The following ST6GAL2 variants were observed in gnomAD, a reference collection of about 807,000 sequenced individuals.
The protein encoded by ST6GAL2 is beta-galactoside alpha-2,6-sialyltransferase 2.
ST6GAL2 carries 24 observed loss-of-function variants against 37.5 expected under a neutral mutation model. The observed-to-expected ratio is 0.64, with a 90% CI of 0.46 to 0.90. ST6GAL2 has a LOEUF of 0.90. Ranked by LOEUF, ST6GAL2 falls within the 40% of genes least tolerant of loss-of-function variation. The pLI, the probability that ST6GAL2 is intolerant of heterozygous loss-of-function variation, is 0.00. For missense variants in ST6GAL2, 715 were observed against 712.7 expected (o/e 1.00, Z -0.04); for synonymous variants, 306 against 295.1 (o/e 1.04, Z -0.38).
At chr2:106,842,411 C>T (rs1223555524) in intron 2 of ST6GAL2, among the ~76,000 whole-genome samples, 1 of 152,184 alleles carries the variant, frequency 6.6e-6, no homozygotes, top group Non-Finnish European at 1.5e-5. Context: ...ACTGGCAGTG[C>T]CCCAAAGGTT....
intron 5 of ST6GAL2, among the ~76,000 whole-genome samples, chr2:106,827,832 G>A (rs958004087): frequency 6.6e-6 from 1 of 152,146 alleles, no homozygotes; most frequent in African/African-American, 2.4e-5. Flanking sequence ...TACAGTGTTA[G>A]AAAATAATAA....
At chr2:106,848,706 G>C (rs190762897) in intron 1 of ST6GAL2, among the ~76,000 whole-genome samples, 1 of 152,166 alleles carries the variant, frequency 6.6e-6, no homozygotes, top group South Asian at 2.1e-4. Context: ...TTCATGGCAG[G>C]ATTCAAATTA....
chr2:106,884,783 T>C (rs1049355546), intron 1 of ST6GAL2, among the ~76,000 whole-genome samples: 4 of 151,410 alleles, frequency 2.6e-5, no homozygotes, highest in African/African-American at 9.7e-5. Context: ...CCTCAAGTGG[T>C]ATATAAAAAT....
chr2:106,863,952 G>A (rs1330373338), intron 1 of ST6GAL2, among the ~76,000 whole-genome samples: 2 of 152,184 alleles, frequency 1.3e-5, no homozygotes, highest in Non-Finnish European at 2.9e-5. Flanking sequence ...GCAACTACCT[G>A]GGTTCTATCC....
At chr2:106,886,806 C>T (rs984661101), upstream of ST6GAL2, among the ~76,000 whole-genome samples, 5 of 151,918 alleles carry the variant, frequency 3.3e-5, no homozygotes, top group Non-Finnish European at 5.9e-5. Context: ...CTCGGCCCGC[C>T]GGCGAGCGCA....
Position 106,830,246 on chromosome 2 carries a change from G to T in ST6GAL2, c.1144-6C>A. On this transcript the variant is annotated splice_region_variant and splice_polypyrimidine_tract_variant and intron_variant, in intron 4 of 5. Transcript: ENST00000409382. The stretch of plus-strand genomic sequence containing the variant: ...TAATCCGGTTTTTTGTACCACTAAG[G>T]AAAAAAAAATCAATGCAGTCAAGTA... 1 of 1,585,782 alleles carries T rather than the reference G, an allele frequency of 6.3e-7. No individual in the cohort carries two copies.
At chr2:106,864,619 C>T (rs1558721136) in intron 1 of ST6GAL2, among the ~76,000 whole-genome samples, 1 of 152,166 alleles carries the variant, frequency 6.6e-6, no homozygotes, top group Non-Finnish European at 1.5e-5. Flanking sequence ...GCTGTATCAA[C>T]TTGGGCAGGT....
intron 2 of ST6GAL2, chr2:106,834,916 T>G (rs968411953): frequency 3.9e-5 from 6 of 152,132 alleles, no homozygotes; most frequent in Non-Finnish European, 7.3e-5. Flanking sequence ...TTCGTTCAAC[T>G]TGACAGCCCG....
chr2:106,837,395 T>A (rs977858954), intron 2 of ST6GAL2, among the ~76,000 whole-genome samples: 8 of 152,330 alleles, frequency 5.3e-5, no homozygotes, highest in African/African-American at 1.9e-4. Context: ...ATTGTGTTTG[T>A]ACCACCAGTG....
At chr2:106,809,077 G>A (rs956577290) in intron 5 of ST6GAL2, among the ~76,000 whole-genome samples, 5 of 152,184 alleles carry the variant, frequency 3.3e-5, no homozygotes, top group Admixed American at 3.3e-4. Context: ...ATGTTCTCTG[G>A]TGGCTGAAGT....
chr2:106,866,083 G>C (rs1024111826), intron 1 of ST6GAL2, among the ~76,000 whole-genome samples: 9 of 152,172 alleles, frequency 5.9e-5, no homozygotes, highest in African/African-American at 2.2e-4. Context: ...AAGAATATTA[G>C]TAATAAATTA....
intron 2 of ST6GAL2, among the ~76,000 whole-genome samples, chr2:106,836,189 T>A (rs569590783): frequency 6.6e-6 from 1 of 152,358 alleles, no homozygotes; most frequent in East Asian, 1.9e-4. Context: ...CCGTTTTTAA[T>A]GTCTGCAAGT....
At chr2:106,863,324 T>C (rs2104588178) in intron 1 of ST6GAL2, among the ~76,000 whole-genome samples, 1 of 152,318 alleles carries the variant, frequency 6.6e-6, no homozygotes. Context: ...CATCCAATGA[T>C]ACAGAACAGA....
At chr2:106,868,133 GC>G (rs1441443518) in intron 1 of ST6GAL2, among the ~76,000 whole-genome samples, 7 of 152,190 alleles carry the variant, frequency 4.6e-5, no homozygotes, top group Non-Finnish European at 1.0e-4. Flanking sequence ...CTACCTTTGA[GC>G]CCAGCACAGT....
At chr2:106,854,010 G>T (rs1038265177) in intron 1 of ST6GAL2, among the ~76,000 whole-genome samples, 1 of 152,176 alleles carries the variant, frequency 6.6e-6, no homozygotes, top group African/African-American at 2.4e-5. Flanking sequence ...CTGTAAATTC[G>T]CTTCAGTCCT....
At chr2:106,810,903 A>T (rs1005972034) in intron 5 of ST6GAL2, among the ~76,000 whole-genome samples, 65 of 152,204 alleles carry the variant, frequency 4.3e-4, no homozygotes, top group South Asian at 1.2e-3. Context: ...GTGAGCCATG[A>T]TTGTGCCACT....
At chr2:106,853,686 G>A (rs555922459) in intron 1 of ST6GAL2, among the ~76,000 whole-genome samples, 12 of 152,248 alleles carry the variant, frequency 7.9e-5, no homozygotes, top group African/African-American at 2.2e-4. Context: ...ATCTTTCTGG[G>A]TCAGGTCATT....
chr2:106,824,444 A>G (rs1225087224), intron 5 of ST6GAL2, among the ~76,000 whole-genome samples: 1 of 152,164 alleles, frequency 6.6e-6, no homozygotes, highest in African/African-American at 2.4e-5. Flanking sequence ...CATCCTGGCT[A>G]ACATGGTGAA....
chr2:106,807,520 T>G (rs965607772), intron 5 of ST6GAL2, among the ~76,000 whole-genome samples: 5 of 152,224 alleles, frequency 3.3e-5, no homozygotes, highest in African/African-American at 1.2e-4. Context: ...AGTTTAAGAT[T>G]CATATTAACA....
Sources: gnomAD v4.1 joint callset for allele counts (sites outside exome capture counted in the v4.1 genomes callset) on GRCh38, gnomAD v4.1.1 for gene constraint, MANE v1.5 for transcripts, NCBI Gene and HGNC (gene_info 2026-07-23, HGNC 2026-07-21) for gene names.